The following KCTD8 variants were observed in gnomAD, a reference collection of about 807,000 sequenced individuals.
The protein encoded by KCTD8 is BTB/POZ domain-containing protein KCTD8.
Under a neutral mutation model 31.5 loss-of-function variants are expected in KCTD8, and 27 were observed. The observed-to-expected ratio is 0.86, with a 90% CI of 0.63 to 1.18. The LOEUF is 1.18. KCTD8 is among the 50% of genes most tolerant of loss of function. The pLI, the probability that KCTD8 is intolerant of heterozygous loss-of-function variation, is 0.00. For synonymous variants in KCTD8, 290 were observed against 280.0 expected (o/e 1.04, Z -0.36); for missense variants, 658 against 647.7 (o/e 1.02, Z -0.17).
At chr4:44,383,979 A>G (rs930960018) in intron 1 of KCTD8, among the ~76,000 whole-genome samples, 2 of 151,868 alleles carry the variant, frequency 1.3e-5, no homozygotes, top group African/African-American at 4.8e-5. Context: ...CAAATAACAA[A>G]TAATTTACAA....
At chr4:44,385,356 A>C (rs73247525) in intron 1 of KCTD8, among the ~76,000 whole-genome samples, 22,639 of 151,700 alleles carry the variant, frequency 0.15, 1,873 homozygotes, top group Non-Finnish European at 0.19. Context: ...AGATAGACAT[A>C]TAGACGAAGG....
intron 1 of KCTD8, among the ~76,000 whole-genome samples, chr4:44,191,295 T>C (rs1322873769): frequency 6.6e-6 from 1 of 152,228 alleles, no homozygotes; most frequent in East Asian, 1.9e-4. Context: ...GACCCTGTGA[T>C]GATTGTGTTA....
chr4:44,208,361 C>T (rs138167096), intron 1 of KCTD8, among the ~76,000 whole-genome samples: 1 of 152,228 alleles, frequency 6.6e-6, no homozygotes, highest in East Asian at 1.9e-4. Context: ...AAGTAATTAC[C>T]TGAGAGTACA....
rs75750507 is a variant in KCTD8 at position 44,419,336 on chromosome 4, T to C, written c.961+28227A>G. The stretch of plus-strand genomic sequence containing the variant: ...AAGGAACCCCAGACTAGCCATTAGT[T>C]ACTCACTGAGAAGGGCCAGGGGCCA... On this transcript the variant is annotated intron_variant, in intron 1 of 1. Transcript: ENST00000360029. 1.5e-4 allele frequency among the ~76,000 whole-genome samples: 23 copies of C among 152,284 alleles called. 1 individual carries two copies. The East Asian group carries it at 4.4e-3, about 29-fold the overall frequency.
intron 1 of KCTD8, among the ~76,000 whole-genome samples, chr4:44,244,531 G>A (rs1036610254): frequency 1.3e-5 from 2 of 152,056 alleles, no homozygotes; most frequent in Non-Finnish European, 2.9e-5. Context: ...CTTCCCCAAG[G>A]TGGTTCATGG....
At chr4:44,264,683 G>A (rs368324870) in intron 1 of KCTD8, among the ~76,000 whole-genome samples, 7 of 152,162 alleles carry the variant, frequency 4.6e-5, no homozygotes, top group South Asian at 2.1e-4. Flanking sequence ...ACTCCCCCCC[G>A]AATACTGCTC....
intron 1 of KCTD8, among the ~76,000 whole-genome samples, chr4:44,220,297 T>A (rs1192227891): frequency 6.6e-6 from 1 of 152,186 alleles, no homozygotes; most frequent in Non-Finnish European, 1.5e-5. Flanking sequence ...GGGAAGGATA[T>A]ACTTATGTTG....
At chr4:44,341,720 T>C (rs1191535566) in intron 1 of KCTD8, among the ~76,000 whole-genome samples, 1 of 152,188 alleles carries the variant, frequency 6.6e-6, no homozygotes, top group Non-Finnish European at 1.5e-5. Context: ...TGTAGTTACT[T>C]CCTCCACTGA....
intron 1 of KCTD8, among the ~76,000 whole-genome samples, chr4:44,271,118 T>C (rs1716586309): frequency 6.6e-6 from 1 of 152,158 alleles, no homozygotes; most frequent in South Asian, 2.1e-4. Flanking sequence ...GAGGAAAGGA[T>C]AACCATTAAC....
intron 1 of KCTD8, among the ~76,000 whole-genome samples, chr4:44,422,093 C>T (rs966315253): frequency 6.6e-6 from 1 of 152,022 alleles, no homozygotes; most frequent in African/African-American, 2.4e-5. Context: ...GAAATAGAAT[C>T]ATACTTGGCA....
intron 1 of KCTD8, among the ~76,000 whole-genome samples, chr4:44,287,899 C>T (rs888838332): frequency 6.6e-6 from 1 of 152,002 alleles, no homozygotes; most frequent in Non-Finnish European, 1.5e-5. Flanking sequence ...AATCCACAGT[C>T]GACTTGTATG....
At chr4:44,204,267 C>T (rs756857826) in intron 1 of KCTD8, among the ~76,000 whole-genome samples, 11 of 152,150 alleles carry the variant, frequency 7.2e-5, no homozygotes, top group Non-Finnish European at 1.6e-4. Flanking sequence ...CTCATATTGT[C>T]TTATACCCAA....
chr4:44,216,239 T>C (rs949485093), intron 1 of KCTD8, among the ~76,000 whole-genome samples: 50 of 152,184 alleles, frequency 3.3e-4, no homozygotes, highest in African/African-American at 1.2e-3. Flanking sequence ...TCTAAATTCA[T>C]AGATATGGGT....
At chr4:44,313,171 G>C (rs893345286) in intron 1 of KCTD8, among the ~76,000 whole-genome samples, 2 of 152,106 alleles carry the variant, frequency 1.3e-5, no homozygotes, top group Non-Finnish European at 2.9e-5. Flanking sequence ...CTGTATCTGC[G>C]ATCTGCCCAT....
intron 1 of KCTD8, among the ~76,000 whole-genome samples, chr4:44,205,976 A>G (rs1369890819): frequency 1.3e-5 from 2 of 152,200 alleles, no homozygotes; most frequent in Non-Finnish European, 2.9e-5. Context: ...GGCAGGTACT[A>G]AATAAAAGGT....
intron 1 of KCTD8, among the ~76,000 whole-genome samples, chr4:44,200,557 A>G (rs1714110189): frequency 6.6e-6 from 1 of 152,042 alleles, no homozygotes; most frequent in African/African-American, 2.4e-5. Context: ...AAGCAAATAC[A>G]GTATGATCAT....
chr4:44,430,896 C>T (rs1316219883), intron 1 of KCTD8, among the ~76,000 whole-genome samples: 1 of 151,452 alleles, frequency 6.6e-6, no homozygotes, highest in East Asian at 1.9e-4. Flanking sequence ...GTCTATAAGC[C>T]CTGATGGTTA....
intron 1 of KCTD8, among the ~76,000 whole-genome samples, chr4:44,197,990 TA>T (rs1273306384): frequency 2.6e-5 from 4 of 152,094 alleles, no homozygotes; most frequent in Admixed American, 6.5e-5. Context: ...AGAATTCACT[TA>T]AAAAATTCAT....
intron 1 of KCTD8, among the ~76,000 whole-genome samples, chr4:44,421,654 A>T (rs1721214966): frequency 6.6e-6 from 1 of 152,138 alleles, no homozygotes; most frequent in South Asian, 2.1e-4. Flanking sequence ...GAGAGCCCTT[A>T]TTCATACAGA....
Sources: allele counts gnomAD v4.1 joint callset (sites outside exome capture counted in the v4.1 genomes callset), GRCh38; gene constraint gnomAD v4.1.1; transcripts MANE v1.5; gene names NCBI Gene and HGNC (gene_info 2026-07-23, HGNC 2026-07-21).